The following LANCL2 variants were observed in gnomAD, a reference collection of about 807,000 sequenced individuals.
The protein encoded by LANCL2 is lanC-like protein 2.
Under a neutral mutation model 56.9 loss-of-function variants are expected in LANCL2, and 33 were observed. That is an observed-to-expected ratio of 0.58 (90% confidence interval 0.44 to 0.78). The LOEUF (loss-of-function observed/expected upper bound fraction) is 0.78. Among genes scored for constraint, LANCL2 ranks in the 30% least tolerant of loss-of-function variants. LANCL2 has a pLI of 0.00. For synonymous variants in LANCL2, 233 were observed against 228.2 expected (o/e 1.02, Z -0.19); for missense variants, 562 against 580.2 (o/e 0.97, Z 0.32).
chr7:55,385,294 A>T (rs1308128118), intron 1 of LANCL2, among the ~76,000 whole-genome samples: 1 of 152,196 alleles, frequency 6.6e-6, no homozygotes, highest in Non-Finnish European at 1.5e-5. Context: ...ACAGTTGTTG[A>T]GTACAGAAAG....
intron 7 of LANCL2, among the ~76,000 whole-genome samples, chr7:55,425,853 C>T (rs1790658717): frequency 6.6e-6 from 1 of 152,220 alleles, no homozygotes; most frequent in Non-Finnish European, 1.5e-5. Context: ...CCCTCCACGG[C>T]TTCCCATTGA....
rs1398917783 is a variant in LANCL2 at position 55,365,485 on chromosome 7, C to G, written c.-541C>G. The G allele has an allele frequency of 2.0e-5, 3 of 152,368 alleles. No homozygotes were observed. The highest frequency in any genetic ancestry group is 4.4e-5 in the Non-Finnish European group (3 of 68,130). 9.4% of individuals were successfully genotyped at this position (152,368 alleles called of 1,614,324 possible). A position where few individuals can be genotyped will look rare whatever the true frequency, so the allele number is the denominator to read the frequency against. The stretch of plus-strand genomic sequence containing the variant: ...CAGGGGCCGGTGAAATGCAGGCTGA[C>G]GACGGCGCGCCAGGGGCTGAGCTCG... On this transcript the variant is annotated 5_prime_UTR_variant, in exon 1 of 9. Coordinates refer to ENST00000254770, the MANE Select transcript of LANCL2 (RefSeq NM_018697.4).
At chr7:55,379,659 G>T (rs1481600039) in intron 1 of LANCL2, 1 of 152,658 alleles carries the variant, frequency 6.6e-6, no homozygotes, top group Non-Finnish European at 1.5e-5. Flanking sequence ...GAAACCAAAG[G>T]TCAAGACACA....
chr7:55,408,991 AAAAG>A (rs1790442242), intron 5 of LANCL2, among the ~76,000 whole-genome samples: 1 of 151,938 alleles, frequency 6.6e-6, no homozygotes, highest in Admixed American at 6.6e-5. Context: ...AAAAAAAAAA[AAAAG>A]AAAAGAAAAA....
At chr7:55,428,050 T>C in intron 7 of LANCL2, 1 of 346,612 alleles carries the variant, frequency 2.9e-6, no homozygotes, top group Non-Finnish European at 5.4e-6. Flanking sequence ...AGAGCAGGCG[T>C]TTCGAGTTGC....
intron 6 of LANCL2, among the ~76,000 whole-genome samples, chr7:55,417,102 C>T (rs915577785): frequency 6.6e-6 from 1 of 151,128 alleles, no homozygotes; most frequent in Non-Finnish European, 1.5e-5. Flanking sequence ...GCTTCAGCCT[C>T]CCGAGTAGCT....
At chr7:55,406,838 C>T (rs1304219661) in intron 5 of LANCL2, among the ~76,000 whole-genome samples, 1 of 152,196 alleles carries the variant, frequency 6.6e-6, no homozygotes. Context: ...TTTGATGAAG[C>T]TAGGGGACAT....
chr7:55,396,092 T>C (rs996831705), intron 2 of LANCL2, among the ~76,000 whole-genome samples: 3 of 152,364 alleles, frequency 2.0e-5, no homozygotes, highest in Non-Finnish European at 4.4e-5. Flanking sequence ...TACGATCTTA[T>C]GGGACTATGC....
intron 1 of LANCL2, among the ~76,000 whole-genome samples, chr7:55,368,017 A>G (rs1789894617): frequency 6.6e-6 from 1 of 152,232 alleles, no homozygotes; most frequent in Non-Finnish European, 1.5e-5. Flanking sequence ...AGCATTGAAA[A>G]AACTGCATCA....
At chr7:55,386,336 A>T (rs967532600) in intron 1 of LANCL2, among the ~76,000 whole-genome samples, 5 of 152,254 alleles carry the variant, frequency 3.3e-5, no homozygotes, top group African/African-American at 1.2e-4. Context: ...TTAGAAAAGT[A>T]TTAATTTGGG....
chr7:55,410,171 A>G (rs1790455880), intron 5 of LANCL2, among the ~76,000 whole-genome samples: 1 of 152,228 alleles, frequency 6.6e-6, no homozygotes, highest in Non-Finnish European at 1.5e-5. Context: ...TGTCCTAGGA[A>G]CGACATGGTC....
At chr7:55,417,671 T>A (rs1379484044) in intron 6 of LANCL2, among the ~76,000 whole-genome samples, 1 of 152,146 alleles carries the variant, frequency 6.6e-6, no homozygotes, top group Non-Finnish European at 1.5e-5. Flanking sequence ...TAGATCCACT[T>A]GGGTAGAACT....
chr7:55,366,244 T>C lies in LANCL2; in HGVS notation c.204+15T>C. On this transcript the variant is annotated intron_variant, in intron 1 of 8. Coordinates refer to ENST00000254770, the MANE Select transcript of LANCL2 (RefSeq NM_018697.4). ...AGGACGGGAAGGTGAGTCGGCGGCC[T>C]GGCCGCAGAGGCGCCGGAGGGGGAG... is the stretch of plus-strand genomic sequence containing the variant. 6.8e-7 allele frequency: 1 copy of C among 1,477,700 alleles called. No individual in the cohort carries two copies. The highest frequency in any genetic ancestry group is 2.7e-5 in the East Asian group (1 of 37,496). 91.5% of individuals were successfully genotyped at this position (1,477,700 alleles called of 1,614,324 possible).
intron 6 of LANCL2, among the ~76,000 whole-genome samples, chr7:55,413,563 T>A (rs1196648786): frequency 1.3e-5 from 2 of 152,206 alleles, no homozygotes; most frequent in African/African-American, 4.8e-5. Context: ...GCAGTTCCAT[T>A]TTCATGAGTT....
In LANCL2 at chr7:55,423,561, A is replaced by T. The variant is rs540119750; in HGVS notation, c.1009-1693A>T. 2.0e-4 allele frequency among the ~76,000 whole-genome samples: 31 copies of T among 152,362 alleles called. 1 individual carries two copies. In the South Asian group the frequency reaches 6.4e-3, roughly 32 times the overall value. The stretch of plus-strand genomic sequence containing the variant: ...AGAGGCTTAAGATGCAAGTGACAGG[A>T]TGAAGTGTGTGTGCCGGCACAATAC... On this transcript the variant is annotated intron_variant, in intron 6 of 8. Transcript: ENST00000254770.
At chr7:55,410,586 C>T (rs1790459459) in intron 5 of LANCL2, among the ~76,000 whole-genome samples, 1 of 152,114 alleles carries the variant, frequency 6.6e-6, no homozygotes, top group Admixed American at 6.5e-5. Context: ...TTTACGTCAC[C>T]CCTGACATGT....
At chr7:55,367,237 G>C (rs1789885331) in intron 1 of LANCL2, among the ~76,000 whole-genome samples, 1 of 152,154 alleles carries the variant, frequency 6.6e-6, no homozygotes, top group Non-Finnish European at 1.5e-5. Flanking sequence ...TTCATGCTTG[G>C]TAAAACCGTA....
At chr7:55,370,392 A>G (rs1420783500) in intron 1 of LANCL2, among the ~76,000 whole-genome samples, 2 of 152,222 alleles carry the variant, frequency 1.3e-5, no homozygotes, top group African/African-American at 4.8e-5. Flanking sequence ...AATCCAGCCC[A>G]CGCTCAAGTG....
chr7:55,367,139 T>G (rs1034923040), intron 1 of LANCL2, among the ~76,000 whole-genome samples: 1 of 152,230 alleles, frequency 6.6e-6, no homozygotes, highest in Non-Finnish European at 1.5e-5. Flanking sequence ...GCATACCCTG[T>G]CACCCTTCAC....
Sources: allele counts gnomAD v4.1 joint callset (sites outside exome capture counted in the v4.1 genomes callset), GRCh38; gene constraint gnomAD v4.1.1; transcripts MANE v1.5; gene names NCBI Gene and HGNC (gene_info 2026-07-23, HGNC 2026-07-21).